Variants in CASTOR2 observed in about 807,000 individuals in gnomAD.
CASTOR2 encodes GATS protein like 2.
Under a neutral mutation model 31.2 loss-of-function variants are expected in CASTOR2, and 8 were observed. The ratio of observed to expected loss-of-function variants is 0.26; its 90% CI spans 0.15 to 0.46. The LOEUF (loss-of-function observed/expected upper bound fraction) is 0.46, where lower values mean the gene tolerates loss of function less well. CASTOR2 is among the 20% of genes least tolerant of loss of function. The probability of loss-of-function intolerance (pLI) is 0.99; values close to 1 mark genes in which losing one functional copy is unlikely to be tolerated. For synonymous variants in CASTOR2, 162 were observed against 158.7 expected (o/e 1.02, Z -0.16); for missense variants, 216 against 382.1 (o/e 0.57, Z 3.62).
chr7:75,022,202 CTTA>C (rs1312460379), intron 7 of CASTOR2, among the ~76,000 whole-genome samples: 3 of 152,090 alleles, frequency 2.0e-5, no homozygotes, highest in African/African-American at 7.2e-5. Context: ...TAATATGTTG[CTTA>C]TTATTAGAAA....
At chr7:74,984,338 G>A (rs1804014848) in intron 1 of CASTOR2, among the ~76,000 whole-genome samples, 1 of 151,324 alleles carries the variant, frequency 6.6e-6, no homozygotes, top group African/African-American at 2.4e-5. Flanking sequence ...AGGAGGGGCA[G>A]GGAAGTTAGT....
At chr7:75,009,008 G>A (rs1804667774) in intron 2 of CASTOR2, among the ~76,000 whole-genome samples, 1 of 152,206 alleles carries the variant, frequency 6.6e-6, no homozygotes, top group African/African-American at 2.4e-5. Flanking sequence ...CCAGGCTGGA[G>A]TGCAATGGCA....
intron 6 of CASTOR2, 145 bp downstream of exon 6, chr7:75,020,294 G>T: frequency 2.5e-6 from 2 of 795,514 alleles, no homozygotes; most frequent in South Asian, 1.8e-5. Context: ...CCAGGCTGGG[G>T]TGCAGTGGTG....
intron 2 of CASTOR2, among the ~76,000 whole-genome samples, chr7:75,012,665 G>T (rs1804781412): frequency 6.9e-6 from 1 of 145,424 alleles, no homozygotes; most frequent in African/African-American, 2.6e-5. Flanking sequence ...TTGAGATGGA[G>T]TCTCGCTCTG....
In CASTOR2 at chr7:75,027,914, G is replaced by A; in HGVS notation, c.*3215G>A. 1 of 1,137,708 alleles carries A rather than the reference G, an allele frequency of 8.8e-7. No homozygotes were observed. Among genetic ancestry groups the A allele is most frequent in the Non-Finnish European group, 1.3e-6 (1 of 785,952 alleles). 70.5% of individuals were successfully genotyped at this position (1,137,708 alleles called of 1,614,324 possible). A position where few individuals can be genotyped will look rare whatever the true frequency, so the allele number is the denominator to read the frequency against. On this transcript the variant is annotated 3_prime_UTR_variant, in exon 9 of 9. Transcript: ENST00000616305. ...CCCCAGCTATCTCCTGGTCTGCTGG[G>A]TGGGAGGGTCTCTCCAGGCCCCAGA...
chr7:74,985,181 C>T (rs1190065420), intron 1 of CASTOR2, among the ~76,000 whole-genome samples: 1 of 152,020 alleles, frequency 6.6e-6, no homozygotes, highest in East Asian at 1.9e-4. Flanking sequence ...TCTCTCTATG[C>T]AGGGTGGGCC....
At chr7:74,987,403 G>GAAA (rs1211864183) in intron 1 of CASTOR2, among the ~76,000 whole-genome samples, 1 of 91,644 alleles carries the variant, frequency 1.1e-5, no homozygotes. Flanking sequence ...GTCTCAAAAA[G>GAAA]AAAAAAAAAA....
intron 2 of CASTOR2, among the ~76,000 whole-genome samples, chr7:75,014,295 C>T (rs1378519496): frequency 2.6e-5 from 4 of 151,336 alleles, no homozygotes; most frequent in South Asian, 4.2e-4. Flanking sequence ...GAGAGGTGGC[C>T]GGGCAAGGTG....
chr7:75,012,905 C>G (rs1456038514), intron 2 of CASTOR2, among the ~76,000 whole-genome samples: 1 of 152,210 alleles, frequency 6.6e-6, no homozygotes, highest in Non-Finnish European at 1.5e-5. Context: ...TTCCAAATTT[C>G]CAAAGTGCTG....
rs1805151040 is a variant in CASTOR2 at position 75,026,945 on chromosome 7, C to A, written c.*2246C>A. Among the ~76,000 whole-genome samples the A allele has an allele frequency of 6.6e-6, 1 of 152,016 alleles. No homozygotes were observed. Among genetic ancestry groups the A allele is most frequent in the African/African-American group, 2.4e-5 (1 of 41,378 alleles). On this transcript the variant is annotated 3_prime_UTR_variant, in exon 9 of 9. Coordinates refer to ENST00000616305, the MANE Select transcript of CASTOR2 (RefSeq NM_001145064.3). ...TATCTATTGTACACACCTATAAATA[C>A]CTGTGTTTTATGTTGATAGAGATAT...
chr7:74,981,685 C>T (rs1341574562), intron 1 of CASTOR2, among the ~76,000 whole-genome samples: 2 of 151,504 alleles, frequency 1.3e-5, no homozygotes, highest in African/African-American at 4.9e-5. Context: ...CCTTGGCCTC[C>T]TAAAGTGCTG....
rs1169692942 is a variant in CASTOR2 at position 75,026,232 on chromosome 7, T to C, written c.*1533T>C. On this transcript the variant is annotated 3_prime_UTR_variant, in exon 9 of 9. Coordinates refer to ENST00000616305, the MANE Select transcript of CASTOR2 (RefSeq NM_001145064.3). ...GAGATGGGAGTCTGGCTCTGTTGCCTAGGCTGGAATGCAGTGGCACGATCT... is the reference window on the plus strand; with the variant it reads ...GAGATGGGAGTCTGGCTCTGTTGCCCAGGCTGGAATGCAGTGGCACGATCT... Among the ~76,000 whole-genome samples, 75 of 143,034 alleles carry C rather than the reference T, an allele frequency of 5.2e-4. No homozygotes were observed. Among genetic ancestry groups the C allele is most frequent in the African/African-American group, 1.8e-3 (70 of 38,728 alleles). 93.8% of individuals were successfully genotyped at this position (143,034 alleles called of 152,430 possible).
intron 5 of CASTOR2, 57 bp from the exon 6 acceptor site, chr7:75,019,982 G>A: frequency 6.6e-7 from 1 of 1,514,486 alleles, no homozygotes; most frequent in Non-Finnish European, 9.0e-7. Flanking sequence ...CTGGGCTGGT[G>A]TGAATGGGGC....
At chr7:75,011,645 A>T (rs1436140057) in intron 2 of CASTOR2, among the ~76,000 whole-genome samples, 5 of 143,172 alleles carry the variant, frequency 3.5e-5, no homozygotes, top group Non-Finnish European at 6.1e-5. Flanking sequence ...CTGAGGCAGG[A>T]GAATGTCGTG....
intron 1 of CASTOR2, among the ~76,000 whole-genome samples, chr7:74,989,578 A>ATTTT (rs34719360): frequency 1.5e-5 from 2 of 131,220 alleles, no homozygotes. Context: ...GTGTCCGCCT[A>ATTTT]TTTTTTTTTT....
chr7:74,993,535 C>G (rs1804263569), intron 1 of CASTOR2, among the ~76,000 whole-genome samples: 1 of 150,098 alleles, frequency 6.7e-6, no homozygotes, highest in Non-Finnish European at 1.5e-5. Context: ...ACTGCAACAT[C>G]CACCTCCTGG....
In CASTOR2 at chr7:75,026,188, G is replaced by GTTTTTTTTTTTTT. The variant is rs1178084776; in HGVS notation, c.*1489_*1490insTTTTTTTTTTTTT. On this transcript the variant is annotated 3_prime_UTR_variant, in exon 9 of 9. Coordinates refer to ENST00000616305, the MANE Select transcript of CASTOR2 (RefSeq NM_001145064.3). ...CCCCTGTGGTTTTGGCTCTGGCGGG[G>GTTTTTTTTTTTTT]GTTTTTTTTTTTTTTTTTGAGATGG... Among the ~76,000 whole-genome samples, 187 of 113,200 alleles carry GTTTTTTTTTTTTT rather than the reference G, an allele frequency of 1.7e-3. 1 individual carries two copies. The highest frequency in any genetic ancestry group is 3.4e-3 in the South Asian group (12 of 3,546). The allele number at this position is 113,200 out of a possible 152,430, so 74.3% of individuals were successfully genotyped here.
chr7:74,985,934 T>C (rs1804052391), intron 1 of CASTOR2, among the ~76,000 whole-genome samples: 1 of 152,064 alleles, frequency 6.6e-6, no homozygotes, highest in South Asian at 2.1e-4. Flanking sequence ...CTTTATTTAT[T>C]TGGATTTTTT....
chr7:74,989,884 T>C (rs1431268637), intron 1 of CASTOR2, among the ~76,000 whole-genome samples: 2 of 152,094 alleles, frequency 1.3e-5, no homozygotes, highest in Non-Finnish European at 2.9e-5. Context: ...CGGAACACTT[T>C]CTGCAATGAT....
Sources: gnomAD v4.1 joint callset for allele counts (sites outside exome capture counted in the v4.1 genomes callset) on GRCh38, gnomAD v4.1.1 for gene constraint, MANE v1.5 for transcripts, NCBI Gene and HGNC (gene_info 2026-07-23, HGNC 2026-07-21) for gene names.